VPS13B: variants seen among roughly 807,000 people sequenced by gnomAD.
VPS13B encodes the protein vacuolar protein sorting 13 homolog B.
VPS13B carries 285 observed loss-of-function variants against 426.4 expected under a neutral mutation model. The observed-to-expected ratio is 0.67, with a 90% CI of 0.61 to 0.74. The LOEUF (loss-of-function observed/expected upper bound fraction) is 0.74. Ranked by LOEUF, VPS13B falls within the 30% of genes least tolerant of loss-of-function variation. VPS13B has a pLI of 0.00. For synonymous variants in VPS13B, 1,676 were observed against 1,676.4 expected (o/e 1.00, Z 0.01); for missense variants, 4,537 against 4,782.6 (o/e 0.95, Z 1.51).
chr8:99,129,062 T>C (rs993439663), intron 8 of VPS13B, among the ~76,000 whole-genome samples: 3 of 152,104 alleles, frequency 2.0e-5, no homozygotes, highest in Non-Finnish European at 4.4e-5. Flanking sequence ...TTGAAAAATA[T>C]AGAGAATAAA....
intron 56 of VPS13B, among the ~76,000 whole-genome samples, chr8:99,854,779 T>C (rs531311565): frequency 1.3e-5 from 2 of 152,274 alleles, no homozygotes; most frequent in African/African-American, 2.4e-5. Context: ...ATTCAGAGGA[T>C]TTGTGTGCTT....
chr8:99,141,890 A>C (rs1468874103), intron 12 of VPS13B, among the ~76,000 whole-genome samples: 2 of 151,026 alleles, frequency 1.3e-5, no homozygotes, highest in East Asian at 1.9e-4. Flanking sequence ...TAAAAAAAAA[A>C]AAAAAAAACA....
At chr8:99,585,931 A>C (rs1484962407) in intron 33 of VPS13B, among the ~76,000 whole-genome samples, 1 of 152,216 alleles carries the variant, frequency 6.6e-6, no homozygotes, top group African/African-American at 2.4e-5. Context: ...AGAGACTCTT[A>C]GAACTGTCAG....
chr8:99,224,823 C>A (rs1815923093), intron 17 of VPS13B, among the ~76,000 whole-genome samples: 1 of 152,020 alleles, frequency 6.6e-6, no homozygotes, highest in Non-Finnish European at 1.5e-5. Context: ...CTTTGGTGGT[C>A]ACGTACCACT....
intron 16 of VPS13B, among the ~76,000 whole-genome samples, chr8:99,177,903 C>A (rs1239542407): frequency 2.0e-5 from 3 of 152,122 alleles, no homozygotes; most frequent in Non-Finnish European, 4.4e-5. Flanking sequence ...AAAATATTAT[C>A]CTGTGACAAC....
At chr8:99,340,638 CA>C (rs1563677072) in intron 19 of VPS13B, 16 of 420,572 alleles carry the variant, frequency 3.8e-5, no homozygotes, top group South Asian at 3.1e-4. Flanking sequence ...CCAGTAAATG[CA>C]GCACTTTCTT....
chr8:99,079,640 T>C (rs1369492322), intron 3 of VPS13B, among the ~76,000 whole-genome samples: 1 of 152,194 alleles, frequency 6.6e-6, no homozygotes, highest in Non-Finnish European at 1.5e-5. Context: ...TTATGTACAT[T>C]GATTTTCCCC....
rs773324603 is a variant in VPS13B at position 99,861,877 on chromosome 8, C to A, written c.11146C>A (p.Arg3716=). 1 of 1,595,724 alleles carries A rather than the reference C, an allele frequency of 6.3e-7. No homozygotes were observed. The highest frequency in any genetic ancestry group is 8.5e-7 in the Non-Finnish European group (1 of 1,171,988). ...EHYNRQEEWR[R]QLPESLGEGL... ...CTACAACCGGCAGGAGGAGTGGCGG[C>A]GGCAGCTCCCCGAGAGCCTGGGCGA... The change falls in exon 58 of 62, where the codon CGG becomes AGG. Residue 3716 remains arginine, a synonymous_variant. Coordinates refer to ENST00000357162, the MANE Select transcript of VPS13B (RefSeq NM_152564.5).
chr8:99,718,701 T>G (rs535187092), intron 37 of VPS13B, among the ~76,000 whole-genome samples: 2 of 151,992 alleles, frequency 1.3e-5, no homozygotes, highest in East Asian at 3.9e-4. Context: ...GAATCTCATT[T>G]TGTTGCACAT....
chr8:99,121,180 C>A lies in VPS13B; in HGVS notation c.941C>A (p.Ser314Tyr). 6.2e-7 allele frequency: 1 copy of A among 1,612,784 alleles called. No homozygotes were observed. The highest frequency in any genetic ancestry group is 1.1e-5 in the South Asian group (1 of 90,928). ...NKDMLGNITG[S>Y]EDETRIDMQY... ...ATGACTTAATTTTAATTGATAGGTT[C>A]TGAAGATGAAACAAGAATAGATATG... is the stretch of plus-strand genomic sequence containing the variant. The change falls in exon 8 of 62, where the codon TCT becomes TAT. Residue 314 changes from serine (S) to tyrosine (Y), a missense_variant. Physicochemically the swap from Ser to Tyr is moderately radical, Grantham distance 144. Around this residue, in one of 2 missense-constraint regions of VPS13B, gnomAD observed 4,311 missense variants for 4,474.3 expected, o/e 0.96. Coordinates refer to ENST00000357162, the MANE Select transcript of VPS13B (RefSeq NM_152564.5).
intron 19 of VPS13B, among the ~76,000 whole-genome samples, chr8:99,360,159 TTTC>T (rs1812442930): frequency 2.7e-5 from 1 of 37,268 alleles, no homozygotes; most frequent in Admixed American, 2.9e-4. Flanking sequence ...TCTTTCTTTC[TTTC>T]TTTCTTTCTT....
intron 49 of VPS13B, 31 bp downstream of exon 49, chr8:99,820,153 C>A: frequency 2.5e-6 from 4 of 1,587,748 alleles, no homozygotes; most frequent in South Asian, 2.2e-5. Context: ...AATACGAATT[C>A]TTATCTCTCA....
chr8:99,681,381 T>C (rs1831148306), intron 35 of VPS13B, among the ~76,000 whole-genome samples: 1 of 152,216 alleles, frequency 6.6e-6, no homozygotes, highest in Admixed American at 6.5e-5. Flanking sequence ...AGAATATGTT[T>C]TGCAAGAAAT....
At chr8:99,406,906 A>G (rs1427463567) in intron 21 of VPS13B, among the ~76,000 whole-genome samples, 1 of 152,228 alleles carries the variant, frequency 6.6e-6, no homozygotes, top group Non-Finnish European at 1.5e-5. Flanking sequence ...GTTTGTAACA[A>G]TCATGAAGGT....
At chr8:99,065,347 G>C (rs1033707663) in intron 3 of VPS13B, among the ~76,000 whole-genome samples, 2 of 152,140 alleles carry the variant, frequency 1.3e-5, no homozygotes, top group African/African-American at 2.4e-5. Flanking sequence ...GGCATGCAAG[G>C]CTGGTTCAGC....
intron 36 of VPS13B, among the ~76,000 whole-genome samples, chr8:99,707,187 G>C (rs1363371053): frequency 6.6e-6 from 1 of 152,086 alleles, no homozygotes; most frequent in Non-Finnish European, 1.5e-5. Flanking sequence ...AAAGCAACAT[G>C]GTGCTGTAAA....
chr8:99,574,590 T>C (rs190715572), intron 31 of VPS13B, among the ~76,000 whole-genome samples: 33 of 152,336 alleles, frequency 2.2e-4, no homozygotes, highest in African/African-American at 7.5e-4. Context: ...TCTGTTTATA[T>C]GCTGGATTGT....
rs530516216 is a variant in VPS13B at position 99,868,929 on chromosome 8, G to A, written c.11392+464G>A. 3.3e-5 allele frequency among the ~76,000 whole-genome samples: 5 copies of A among 152,320 alleles called. No individual in the cohort carries two copies. The East Asian group carries it at 7.7e-4, about 24-fold the overall frequency. On this transcript the variant is annotated intron_variant, in intron 59 of 61. Coordinates refer to ENST00000357162, the MANE Select transcript of VPS13B (RefSeq NM_152564.5). ...GAGGACATCCTGCCCCTCGCAGCCAGGCTGGGCAGAAACAAAGGGTCTGCA... is the reference window on the plus strand; with the variant it reads ...GAGGACATCCTGCCCCTCGCAGCCAAGCTGGGCAGAAACAAAGGGTCTGCA...
chr8:99,747,846 C>CT (rs528924547), intron 39 of VPS13B, among the ~76,000 whole-genome samples: 5 of 149,050 alleles, frequency 3.4e-5, no homozygotes, highest in East Asian at 3.9e-4. Context: ...TCCAAGAATA[C>CT]TTTTTTTTTT....
Sources: gnomAD v4.1 joint callset for allele counts (sites outside exome capture counted in the v4.1 genomes callset) on GRCh38, gnomAD v4.1.1 for gene constraint, gnomAD v4.1.1 regional missense constraint, MANE v1.5 for transcripts, NCBI Gene and HGNC (gene_info 2026-07-23, HGNC 2026-07-21) for gene names.